AK9: variants seen among roughly 807,000 people sequenced by gnomAD.
The protein encoded by AK9 is adenylate kinase 9, also known as adenylate kinase domain containing 1.
Under a neutral mutation model 239.6 loss-of-function variants are expected in AK9, and 191 were observed. The ratio of observed to expected loss-of-function variants is 0.80; its 90% CI spans 0.71 to 0.90. AK9 has a LOEUF of 0.90. Ranked by LOEUF, AK9 falls within the 40% of genes least tolerant of loss-of-function variation. The pLI, the probability that AK9 is intolerant of heterozygous loss-of-function variation, is 0.00. For missense variants in AK9, 1,995 were observed against 2,214.7 expected, an observed-to-expected ratio of 0.90 and a Z score of 1.99; for synonymous variants, 689 against 721.0, an observed-to-expected ratio of 0.96 and a Z score of 0.71.
chr6:109,621,961 A>G, intron 12 of AK9, among the ~76,000 whole-genome samples: 1 of 147,980 alleles, frequency 6.8e-6, no homozygotes, highest in Non-Finnish European at 1.5e-5. Context: ...AACAAAAAAA[A>G]AAACAAAAAA....
At position 109,641,509 on chromosome 6, in the gene AK9, A is replaced by T; in HGVS notation, c.933+9T>A. 6.2e-7 allele frequency: 1 copy of T among 1,603,880 alleles called. No homozygotes were observed. The highest frequency in any genetic ancestry group is 8.5e-7 in the Non-Finnish European group (1 of 1,171,102). On this transcript the variant is annotated intron_variant, in intron 10 of 40. Coordinates refer to ENST00000424296, the MANE Select transcript of AK9 (RefSeq NM_001145128.3). Reference sequence around the variant, plus strand: ...AAATTAGACTTTCAGACAGTTCCATATAACTTACATTTTCCATTGTGTCAT... The same window carrying T: ...AAATTAGACTTTCAGACAGTTCCATTTAACTTACATTTTCCATTGTGTCAT...
At chr6:109,517,474 A>C (rs975752172) in intron 29 of AK9, among the ~76,000 whole-genome samples, 4 of 152,236 alleles carry the variant, frequency 2.6e-5, no homozygotes, top group Non-Finnish European at 5.9e-5. Flanking sequence ...AATGCAGTTC[A>C]AAGAGTATAA....
At chr6:109,518,894 G>A (rs1348610075) in intron 29 of AK9, among the ~76,000 whole-genome samples, 1 of 151,974 alleles carries the variant, frequency 6.6e-6, no homozygotes, top group Non-Finnish European at 1.5e-5. Flanking sequence ...GAAGTTTGGG[G>A]TATGATTGAT....
chr6:109,525,360 A>G (rs1489204584), intron 29 of AK9, among the ~76,000 whole-genome samples: 2 of 152,210 alleles, frequency 1.3e-5, no homozygotes, highest in African/African-American at 4.8e-5. Context: ...GAAACTATCA[A>G]CAGAAGAAAC....
At chr6:109,615,444 C>A (rs989771810) in intron 13 of AK9, among the ~76,000 whole-genome samples, 2 of 152,048 alleles carry the variant, frequency 1.3e-5, no homozygotes, top group African/African-American at 2.4e-5. Context: ...GGTTGAATAA[C>A]AAGCCACTTT....
chr6:109,523,351 C>T (rs542958135), intron 29 of AK9, among the ~76,000 whole-genome samples: 1 of 152,156 alleles, frequency 6.6e-6, no homozygotes, highest in Non-Finnish European at 1.5e-5. Context: ...TCACGCATCT[C>T]TTAGTCCTCA....
At chr6:109,614,144 G>T in intron 15 of AK9, 39 bp downstream of exon 15, 1 of 1,478,848 alleles carries the variant, frequency 6.8e-7, no homozygotes, top group South Asian at 1.2e-5. Context: ...AAATGAAAAT[G>T]AGATCCACAA....
intron 38 of AK9, 123 bp from the exon 39 acceptor site, chr6:109,495,563 C>A (rs1044833970): frequency 1.3e-5 from 8 of 610,398 alleles, no homozygotes; most frequent in Non-Finnish European, 1.8e-5. Flanking sequence ...GAAAATGATA[C>A]AAGTGGGAAT....
At chr6:109,656,980 G>T in intron 7 of AK9, 96 bp from the exon 8 acceptor site, 1 of 1,425,876 alleles carries the variant, frequency 7.0e-7, no homozygotes, top group Non-Finnish European at 9.6e-7. Context: ...ATATCATTTT[G>T]GGGTGAGAAG....
intron 17 of AK9, among the ~76,000 whole-genome samples, chr6:109,607,893 A>T (rs1793096834): frequency 2.6e-5 from 4 of 152,092 alleles, no homozygotes; most frequent in Middle Eastern, 3.4e-3. Context: ...AGCAGAAGAA[A>T]ACATAACATA....
Position 109,634,162 on chromosome 6 carries a change from C to T in AK9, c.934-839G>A, listed in dbSNP as rs544391114. Reference sequence around the variant, plus strand: ...GGTGATTAGGTCACGAGTGCTCCGCCCTCATGAATAGATTAATGTCCTTAT... The same window carrying T: ...GGTGATTAGGTCACGAGTGCTCCGCTCTCATGAATAGATTAATGTCCTTAT... On this transcript the variant is annotated intron_variant, in intron 10 of 40. Transcript: ENST00000424296. 2.6e-5 allele frequency among the ~76,000 whole-genome samples: 4 copies of T among 152,184 alleles called. No individual in the cohort carries two copies. In the East Asian group the frequency reaches 7.8e-4, roughly 29 times the overall value.
At chr6:109,496,168 A>C (rs1777014941) in intron 38 of AK9, among the ~76,000 whole-genome samples, 1 of 152,186 alleles carries the variant, frequency 6.6e-6, no homozygotes, top group Non-Finnish European at 1.5e-5. Flanking sequence ...TTTAAATTTG[A>C]ATCAGATGTG....
chr6:109,574,709 T>A (rs966222127), intron 20 of AK9, among the ~76,000 whole-genome samples: 5 of 152,152 alleles, frequency 3.3e-5, no homozygotes, highest in South Asian at 4.1e-4. Flanking sequence ...CTTATCTTTT[T>A]AAAATTTTTT....
rs576328616 is a variant in AK9, at chr6:109,595,839, C to T, written c.1843-9767G>A. 1.2e-3 allele frequency among the ~76,000 whole-genome samples: 182 copies of T among 152,066 alleles called. 2 individuals are homozygous for T. Among genetic ancestry groups the T allele is most frequent in the Middle Eastern group, 3.4e-3 (1 of 294 alleles). On this transcript the variant is annotated intron_variant, in intron 17 of 40. Coordinates refer to ENST00000424296, the MANE Select transcript of AK9 (RefSeq NM_001145128.3). The stretch of plus-strand genomic sequence containing the variant: ...ACACAGGGAGGGGAACATCACACAC[C>T]AGGGCCTGTCATTGGGTAGGGGACT...
chr6:109,532,864 T>A (rs1346780154), intron 28 of AK9, among the ~76,000 whole-genome samples: 3 of 152,228 alleles, frequency 2.0e-5, no homozygotes, highest in Non-Finnish European at 4.4e-5. Flanking sequence ...TAATTTGGTC[T>A]GGTTTCACTA....
chr6:109,629,866 C>T (rs1795939933), intron 12 of AK9, among the ~76,000 whole-genome samples: 1 of 152,048 alleles, frequency 6.6e-6, no homozygotes, highest in Non-Finnish European at 1.5e-5. Flanking sequence ...ATCTCCTGAC[C>T]TCATGATCTA....
intron 17 of AK9, among the ~76,000 whole-genome samples, chr6:109,597,554 C>A (rs9400304): frequency 6.6e-6 from 1 of 151,560 alleles, no homozygotes; most frequent in Non-Finnish European, 1.5e-5. Flanking sequence ...GCGCCTGTAG[C>A]CCCAGCTACT....
In AK9 at chr6:109,497,533, G is replaced by T. The variant is rs1777203163; in HGVS notation, c.5247C>A (p.Asn1749Lys). 6.2e-7 allele frequency: 1 copy of T among 1,608,930 alleles called. No homozygotes were observed. The highest frequency in any genetic ancestry group is 1.1e-5 in the South Asian group (1 of 90,852). The change falls in exon 38 of 41, where the codon AAC becomes AAA. Residue 1749 changes from asparagine to lysine, a missense_variant. Transcript: ENST00000424296. ...RYEALVPGSI[N>K]YALEYHNRIY... The stretch of plus-strand genomic sequence containing the variant: ...TACGATTATGATATTCTAAAGCATA[G>T]TTAATGCTACCAGGTACTAGAGCTT...
At chr6:109,641,321 C>G (rs1797400338) in intron 10 of AK9, among the ~76,000 whole-genome samples, 197 bp downstream of exon 10, 1 of 148,740 alleles carries the variant, frequency 6.7e-6, no homozygotes, top group Non-Finnish European at 1.5e-5. Context: ...GTGCATACCA[C>G]CACACCTGGC....
Sources: gnomAD v4.1 joint callset for allele counts (sites outside exome capture counted in the v4.1 genomes callset) on GRCh38, gnomAD v4.1.1 for gene constraint, MANE v1.5 for transcripts, NCBI Gene and HGNC (gene_info 2026-07-23, HGNC 2026-07-21) for gene names.